IGF1R: variants seen among roughly 807,000 people sequenced by gnomAD.
IGF1R encodes insulin like growth factor 1 receptor.
A neutral mutation model predicts 144.6 loss-of-function variants in IGF1R; 44 were observed. That is an observed-to-expected ratio of 0.30 (90% confidence interval 0.24 to 0.39). IGF1R has a LOEUF of 0.39. Ranked by LOEUF, IGF1R falls within the 10% of genes least tolerant of loss-of-function variation. The probability of loss-of-function intolerance (pLI) is 1.00; values close to 1 mark genes in which losing one functional copy is unlikely to be tolerated. For synonymous variants in IGF1R, 795 were observed against 722.8 expected, an observed-to-expected ratio of 1.10 and a Z score of -1.60; for missense variants, 1,355 against 1,833.7, an observed-to-expected ratio of 0.74 and a Z score of 4.77.
At chr15:98,919,527 C>T (rs149607296) in intron 10 of IGF1R, among the ~76,000 whole-genome samples, 30 of 152,200 alleles carry the variant, frequency 2.0e-4, no homozygotes, top group Admixed American at 1.6e-3. Flanking sequence ...GGTGAAGTGA[C>T]GTGAAGGCAG....
At chr15:98,846,399 G>A (rs1567158726) in intron 2 of IGF1R, among the ~76,000 whole-genome samples, 5 of 152,178 alleles carry the variant, frequency 3.3e-5, no homozygotes, top group South Asian at 2.1e-4. Context: ...ATGAACAGAC[G>A]AGTAGAGAAT....
At chr15:98,843,514 A>G (rs1464856913) in intron 2 of IGF1R, among the ~76,000 whole-genome samples, 1 of 152,138 alleles carries the variant, frequency 6.6e-6, no homozygotes, top group Non-Finnish European at 1.5e-5. Flanking sequence ...ACGATACAGT[A>G]GTTAGTTTTA....
intron 2 of IGF1R, among the ~76,000 whole-genome samples, chr15:98,849,207 CA>C (rs2011453409): frequency 6.6e-6 from 1 of 152,094 alleles, no homozygotes; most frequent in African/African-American, 2.4e-5. Flanking sequence ...ACCAATGGAA[CA>C]GAATAGAAAG....
intron 2 of IGF1R, among the ~76,000 whole-genome samples, chr15:98,867,493 C>T (rs752615008): frequency 4.6e-5 from 7 of 152,162 alleles, no homozygotes; most frequent in Admixed American, 3.9e-4. Flanking sequence ...TGCTTGCACA[C>T]TCCTGCCTTG....
rs540014902 is a variant in IGF1R, at chr15:98,920,960, T to A, written c.2202-1188T>A. The stretch of plus-strand genomic sequence containing the variant: ...GTCAGCCGAACCTGCAAGTGGCTTC[T>A]GGGCTGTTCCGTTCCCTGCGTGAGC... On this transcript the variant is annotated intron_variant, in intron 10 of 20. Coordinates refer to ENST00000650285, the MANE Select transcript of IGF1R (RefSeq NM_000875.5). Among the ~76,000 whole-genome samples, 3 of 152,322 alleles carry A rather than the reference T, an allele frequency of 2.0e-5. No individual in the cohort carries two copies. In the South Asian group the frequency reaches 6.2e-4, roughly 32 times the overall value.
intron 2 of IGF1R, among the ~76,000 whole-genome samples, chr15:98,726,674 A>G (rs1374794221): frequency 6.0e-5 from 9 of 148,772 alleles, no homozygotes; most frequent in Non-Finnish European, 1.3e-4. Context: ...GACTTTTTAA[A>G]TTCCCCTCCT....
At chr15:98,763,403 C>G (rs2055356591) in intron 2 of IGF1R, among the ~76,000 whole-genome samples, 1 of 151,202 alleles carries the variant, frequency 6.6e-6, no homozygotes, top group Non-Finnish European at 1.5e-5. Flanking sequence ...AGTTTGTTTG[C>G]TTGTTTGATT....
At chr15:98,676,452 G>A (rs1259546371) in intron 1 of IGF1R, among the ~76,000 whole-genome samples, 1 of 152,088 alleles carries the variant, frequency 6.6e-6, no homozygotes, top group African/African-American at 2.4e-5. Flanking sequence ...CTATTTTAAA[G>A]CTGTCTTCTC....
At chr15:98,900,668 C>A (rs927194644) in intron 5 of IGF1R, 1 of 152,242 alleles carries the variant, frequency 6.6e-6, no homozygotes, top group Non-Finnish European at 1.5e-5. Context: ...CCTTAAAAAA[C>A]TTCTTTCTCA....
intron 2 of IGF1R, among the ~76,000 whole-genome samples, chr15:98,710,027 G>A (rs2053956374): frequency 6.6e-6 from 1 of 152,190 alleles, no homozygotes; most frequent in African/African-American, 2.4e-5. Context: ...CTGGGCCTTG[G>A]TTTCTTCATA....
At chr15:98,755,806 A>G (rs1284369474) in intron 2 of IGF1R, among the ~76,000 whole-genome samples, 1 of 149,880 alleles carries the variant, frequency 6.7e-6, no homozygotes, top group Non-Finnish European at 1.5e-5. Context: ...TTAACAAGGA[A>G]TATGTTAAGT....
chr15:98,707,682 G>GCTACCGCTT lies in IGF1R; in HGVS notation c.217_225dup (p.Tyr73_Phe75dup). The GCTACCGCTT allele has an allele frequency of 6.2e-7, 1 of 1,614,176 alleles. No homozygotes were observed. The highest frequency in any genetic ancestry group is 1.1e-5 in the South Asian group (1 of 91,086). ...ATCTCCAAGGCCGAGGACTACCGCA[G>GCTACCGCTT]CTACCGCTTCCCCAAGCTCACGGTC... On this transcript the variant is annotated inframe_insertion, in exon 2 of 21. Coordinates refer to ENST00000650285, the MANE Select transcript of IGF1R (RefSeq NM_000875.5). This position sits in a 1 kb window ranked among gnomAD's most constrained non-coding sequence, Gnocchi z 6.7.
intron 2 of IGF1R, among the ~76,000 whole-genome samples, chr15:98,757,703 A>G (rs2055189460): frequency 6.6e-6 from 1 of 151,648 alleles, no homozygotes; most frequent in African/African-American, 2.4e-5. Flanking sequence ...ACTCTTGTTC[A>G]ATTGTTTGTT....
At chr15:98,763,782 T>C (rs1449490274) in intron 2 of IGF1R, among the ~76,000 whole-genome samples, 1 of 152,238 alleles carries the variant, frequency 6.6e-6, no homozygotes, top group Non-Finnish European at 1.5e-5. Flanking sequence ...GAATAAAGCC[T>C]ACTTCCAAAT....
chr15:98,789,331 C>T (rs926468833), intron 2 of IGF1R, among the ~76,000 whole-genome samples: 4 of 152,148 alleles, frequency 2.6e-5, no homozygotes, highest in South Asian at 2.1e-4. Context: ...ATGATAAGGT[C>T]GGCTGGCTAG....
At chr15:98,668,879 T>C (rs1369716897) in intron 1 of IGF1R, among the ~76,000 whole-genome samples, 1 of 152,250 alleles carries the variant, frequency 6.6e-6, no homozygotes. Flanking sequence ...GACTTACTGC[T>C]GCAGCCCGCT....
intron 2 of IGF1R, among the ~76,000 whole-genome samples, chr15:98,861,826 G>T (rs2012173747): frequency 1.3e-5 from 2 of 152,208 alleles, no homozygotes; most frequent in Admixed American, 6.5e-5. Context: ...CCTAAATAGG[G>T]CACATGTACC....
At chr15:98,732,149 T>C (rs1199720095) in intron 2 of IGF1R, among the ~76,000 whole-genome samples, 2 of 151,874 alleles carry the variant, frequency 1.3e-5, no homozygotes, top group East Asian at 3.9e-4. Flanking sequence ...CAAATGGGAG[T>C]GTGGTGCATA....
At chr15:98,726,806 G>A (rs550494646) in intron 2 of IGF1R, among the ~76,000 whole-genome samples, 2 of 140,924 alleles carry the variant, frequency 1.4e-5, no homozygotes, top group African/African-American at 2.6e-5. Context: ...TGCAACTTCC[G>A]CCTCCCGGGT....
Sources: gnomAD v4.1 joint callset for allele counts (sites outside exome capture counted in the v4.1 genomes callset) on GRCh38, gnomAD v4.1.1 for gene constraint, Gnocchi (gnomAD v3.1) non-coding constraint, MANE v1.5 for transcripts, NCBI Gene and HGNC (gene_info 2026-07-23, HGNC 2026-07-21) for gene names.